The following CEPT1 variants were observed in gnomAD, a reference collection of about 807,000 sequenced individuals.
CEPT1 encodes the protein choline/ethanolaminephosphotransferase 1.
A neutral mutation model predicts 42.6 loss-of-function variants in CEPT1; 7 were observed. That is an observed-to-expected ratio of 0.16 (90% confidence interval 0.09 to 0.31). CEPT1 has a LOEUF of 0.31. Among genes scored for constraint, CEPT1 ranks in the 10% least tolerant of loss-of-function variants. CEPT1 has a pLI of 1.00. For synonymous variants in CEPT1, 171 were observed against 171.9 expected, an observed-to-expected ratio of 0.99 and a Z score of 0.04; for missense variants, 306 against 502.1, an observed-to-expected ratio of 0.61 and a Z score of 3.73.
At chr1:111,166,836 G>C (rs531030703) in intron 4 of CEPT1, among the ~76,000 whole-genome samples, 1 of 152,256 alleles carries the variant, frequency 6.6e-6, no homozygotes, top group South Asian at 2.1e-4. Flanking sequence ...TGTGATTTTA[G>C]TATTAGTGTT....
intron 4 of CEPT1, among the ~76,000 whole-genome samples, chr1:111,172,023 C>A (rs989304228): frequency 2.0e-5 from 3 of 152,214 alleles, no homozygotes; most frequent in Non-Finnish European, 4.4e-5. Context: ...CAGGCGTGAG[C>A]CACCACGCCC....
At chr1:111,178,647 C>G (rs1300397734) in intron 5 of CEPT1, 1 of 151,880 alleles carries the variant, frequency 6.6e-6, no homozygotes, top group African/African-American at 2.4e-5. Flanking sequence ...AGAATATATT[C>G]TTATTTGGAA....
intron 4 of CEPT1, among the ~76,000 whole-genome samples, chr1:111,170,421 T>C (rs1317185555): frequency 2.6e-5 from 4 of 152,186 alleles, no homozygotes; most frequent in Non-Finnish European, 1.5e-5. Context: ...ATTTCAAAAA[T>C]AGACTTGTCT....
intron 4 of CEPT1, chr1:111,173,337 G>A (rs1182813732): frequency 1.3e-5 from 2 of 151,646 alleles, no homozygotes; most frequent in Non-Finnish European, 2.9e-5. Context: ...CTACATCACT[G>A]TATGTTTGCA....
chr1:111,176,265 C>T (rs1307824922), intron 5 of CEPT1, among the ~76,000 whole-genome samples: 2 of 151,904 alleles, frequency 1.3e-5, no homozygotes, highest in East Asian at 1.9e-4. Context: ...GTAGGAAATA[C>T]GAATTTTATT....
At chr1:111,178,364 A>G (rs1656794210) in intron 5 of CEPT1, 1 of 152,152 alleles carries the variant, frequency 6.6e-6, no homozygotes, top group African/African-American at 2.4e-5. Context: ...AGTGATTTGC[A>G]TCTATTACAT....
chr1:111,151,250 C>T (rs775973284), intron 2 of CEPT1, among the ~76,000 whole-genome samples: 6 of 152,126 alleles, frequency 3.9e-5, no homozygotes, highest in Admixed American at 2.0e-4. Context: ...CTCAGCCTCC[C>T]GAATACAGGA....
chr1:111,167,810 A>G (rs1030016150), intron 4 of CEPT1: 1 of 862,190 alleles, frequency 1.2e-6, no homozygotes, highest in Non-Finnish European at 1.4e-6. Context: ...TCATTCTTTG[A>G]ATACTTTCCT....
intron 2 of CEPT1, 60 bp from the exon 3 acceptor site, chr1:111,159,309 GTAAAAATATGT>G: frequency 6.8e-7 from 1 of 1,478,796 alleles, no homozygotes; most frequent in Admixed American, 2.2e-5. Context: ...CAACCTGCAG[GTAAAAATATGT>G]TAGTCAAACA....
At chr1:111,150,658 T>C (rs1226193561) in intron 2 of CEPT1, among the ~76,000 whole-genome samples, 2 of 152,198 alleles carry the variant, frequency 1.3e-5, no homozygotes, top group African/African-American at 4.8e-5. Context: ...TTAAAAAATG[T>C]ATTAGAGTTT....
chr1:111,154,876 G>A (rs547484042), intron 2 of CEPT1, among the ~76,000 whole-genome samples: 1 of 152,262 alleles, frequency 6.6e-6, no homozygotes, highest in East Asian at 1.9e-4. Context: ...TGCGCCGTTG[G>A]ATTTGGTTTG....
Position 111,147,706 on chromosome 1 carries a change from A to C in CEPT1, c.-9A>C, listed in dbSNP as rs753656356. ...TACTGTCTTTAAATATTAAAAAAAA[A>C]CAAGATCCATGAGTGGGCATCGATC... On this transcript the variant is annotated 5_prime_UTR_variant, in exon 2 of 9. Coordinates refer to ENST00000357172, the MANE Select transcript of CEPT1 (RefSeq NM_006090.5). The C allele has an allele frequency of 9.5e-6, 15 of 1,572,218 alleles. No homozygotes were observed. The highest frequency in any genetic ancestry group is 3.8e-5 in the Admixed American group (2 of 53,072).
At chr1:111,174,224 A>G (rs1231350185) in intron 4 of CEPT1, among the ~76,000 whole-genome samples, 1 of 152,088 alleles carries the variant, frequency 6.6e-6, no homozygotes, top group African/African-American at 2.4e-5. Context: ...CCTGTTGTGC[A>G]TGAGGTTTGT....
At chr1:111,154,352 G>T (rs1164372790) in intron 2 of CEPT1, among the ~76,000 whole-genome samples, 1 of 151,766 alleles carries the variant, frequency 6.6e-6, no homozygotes, top group Non-Finnish European at 1.5e-5. Flanking sequence ...TTTGTATCTT[G>T]CATCTTTACT....
intron 1 of CEPT1, chr1:111,143,452 T>C (rs1188521182): frequency 6.6e-6 from 1 of 152,254 alleles, no homozygotes; most frequent in Non-Finnish European, 1.5e-5. Context: ...GCTTGTTTAC[T>C]AGTTTTTATT....
intron 8 of CEPT1, 84 bp downstream of exon 8, chr1:111,183,671 G>A: frequency 7.6e-7 from 1 of 1,309,816 alleles, no homozygotes; most frequent in East Asian, 2.3e-5. Context: ...AGTCATGAAA[G>A]ATCGTTCATA....
At position 111,184,232 on chromosome 1, in the gene CEPT1, T is replaced by C. The variant is rs747080131; in HGVS notation, c.1173T>C (p.Val391=). The C allele has an allele frequency of 2.2e-5, 35 of 1,613,534 alleles. No individual in the cohort carries two copies. The highest frequency in any genetic ancestry group is 2.9e-5 in the Non-Finnish European group (34 of 1,179,612). ...FFDLIRYCVS[V]CNQIASHLHI... is the part of the protein sequence containing the mutation. Reference sequence around the variant, plus strand: ...ATTTGATCCGCTACTGTGTCAGTGTTTGCAATCAGATTGCGTCTCACCTGC... The same window carrying C: ...ATTTGATCCGCTACTGTGTCAGTGTCTGCAATCAGATTGCGTCTCACCTGC... The change falls in exon 9 of 9, where the codon GTT becomes GTC. Residue 391 remains valine (V), a synonymous_variant. Coordinates refer to ENST00000357172, the MANE Select transcript of CEPT1 (RefSeq NM_006090.5).
intron 4 of CEPT1, among the ~76,000 whole-genome samples, chr1:111,165,070 G>C (rs1202140049): frequency 1.3e-5 from 1 of 77,868 alleles, no homozygotes; most frequent in Admixed American, 2.0e-4. Flanking sequence ...TTTTTTTTGA[G>C]ACGGAGTCTC....
Position 111,147,867 on chromosome 1 carries a change from A to G in CEPT1, c.153A>G (p.Leu51=), listed in dbSNP as rs2101238680. 6.2e-7 allele frequency: 1 copy of G among 1,614,208 alleles called. No individual in the cohort carries two copies. Among genetic ancestry groups the G allele is most frequent in the Non-Finnish European group, 8.5e-7 (1 of 1,180,028 alleles). ...TGTCAAGACACCAACTAAAGCGGCT[A>G]GAAGAACACAGATATCAAAGTGCTG... The part of the protein sequence containing the change: ...PPLSRHQLKR[L]EEHRYQSAGR... Residue 51 remains leucine (L), a synonymous_variant, in exon 2 of 9, where the codon CTA becomes CTG. Coordinates refer to ENST00000357172, the MANE Select transcript of CEPT1 (RefSeq NM_006090.5).
Sources: gnomAD v4.1 joint callset for allele counts (sites outside exome capture counted in the v4.1 genomes callset) on GRCh38, gnomAD v4.1.1 for gene constraint, MANE v1.5 for transcripts, NCBI Gene and HGNC (gene_info 2026-07-23, HGNC 2026-07-21) for gene names.